Variants in NRXN3 observed in about 807,000 individuals in gnomAD.
NRXN3 encodes the protein neurexin III.
A neutral mutation model predicts 137.6 loss-of-function variants in NRXN3; 32 were observed. That is an observed-to-expected ratio of 0.23 (90% CI 0.18 to 0.31). NRXN3 has a LOEUF of 0.31. Ranked by LOEUF, NRXN3 falls within the 10% of genes least tolerant of loss-of-function variation. The pLI is 1.00. For synonymous variants in NRXN3, 798 were observed against 784.5 expected (o/e 1.02, Z -0.29); for missense variants, 1,574 against 2,062.5 (o/e 0.76, Z 4.59).
chr14:79,698,153 G>C (rs1256668646), intron 19 of NRXN3, among the ~76,000 whole-genome samples: 1 of 151,966 alleles, frequency 6.6e-6, no homozygotes, highest in Admixed American at 6.6e-5. Flanking sequence ...TATTCTTATT[G>C]TATTTATCAC....
At chr14:78,422,233 G>A (rs983952977) in intron 4 of NRXN3, among the ~76,000 whole-genome samples, 1 of 152,096 alleles carries the variant, frequency 6.6e-6, no homozygotes, top group Admixed American at 6.6e-5. Flanking sequence ...ACCTTCCCTG[G>A]CCCCCACATA....
At chr14:78,959,447 G>A (rs1252252546) in intron 11 of NRXN3, among the ~76,000 whole-genome samples, 1 of 152,022 alleles carries the variant, frequency 6.6e-6, no homozygotes, top group Non-Finnish European at 1.5e-5. Flanking sequence ...CTTACAATAT[G>A]GGAAAAATAT....
intron 10 of NRXN3, among the ~76,000 whole-genome samples, chr14:78,929,253 A>G (rs1008218981): frequency 2.0e-5 from 3 of 152,086 alleles, no homozygotes; most frequent in African/African-American, 7.2e-5. Flanking sequence ...TGTTTTTTAT[A>G]TAGATAAACT....
intron 15 of NRXN3, among the ~76,000 whole-genome samples, chr14:79,317,471 A>G (rs997869701): frequency 6.6e-6 from 1 of 152,108 alleles, no homozygotes; most frequent in Non-Finnish European, 1.5e-5. Context: ...TTATCCTACT[A>G]TCCTACTATG....
chr14:78,586,031 T>A (rs1161555544), intron 4 of NRXN3, among the ~76,000 whole-genome samples: 1 of 152,214 alleles, frequency 6.6e-6, no homozygotes, highest in African/African-American at 2.4e-5. Flanking sequence ...GGGAGCCCTA[T>A]TACTTGGAGC....
intron 6 of NRXN3, among the ~76,000 whole-genome samples, chr14:78,665,868 C>A (rs2097881328): frequency 1.3e-5 from 2 of 152,084 alleles, no homozygotes; most frequent in African/African-American, 4.8e-5. Flanking sequence ...CCAGGCTAGG[C>A]AATGTCAATT....
chr14:79,174,199 T>G (rs2062069286), intron 15 of NRXN3, among the ~76,000 whole-genome samples: 1 of 152,140 alleles, frequency 6.6e-6, no homozygotes, highest in Non-Finnish European at 1.5e-5. Flanking sequence ...CTACCTAAAA[T>G]TTTTGCAAAT....
chr14:79,691,040 A>T (rs58952819), intron 17 of NRXN3, among the ~76,000 whole-genome samples: 3,484 of 152,170 alleles, frequency 0.023, 144 homozygotes, highest in African/African-American at 0.08. Flanking sequence ...TTTCTGCCAG[A>T]TCAATGTGAG....
intron 16 of NRXN3, among the ~76,000 whole-genome samples, chr14:79,539,393 G>A (rs1031058108): frequency 1.2e-4 from 19 of 152,100 alleles, no homozygotes; most frequent in Non-Finnish European, 4.4e-5. Context: ...CTGCCTCTCT[G>A]TTGACTCTCA....
chr14:79,074,279 G>A (rs1206989051), intron 15 of NRXN3, among the ~76,000 whole-genome samples: 2 of 152,080 alleles, frequency 1.3e-5, no homozygotes, highest in African/African-American at 2.4e-5. Context: ...ATTTCAAAGG[G>A]TAATTTTAAT....
intron 20 of NRXN3, among the ~76,000 whole-genome samples, chr14:79,838,636 C>A (rs2099349312): frequency 6.6e-6 from 1 of 152,052 alleles, no homozygotes; most frequent in African/African-American, 2.4e-5. Context: ...TATTAAGTGA[C>A]CAGATGGCCT....
chr14:79,002,757 C>T (rs747149495), intron 15 of NRXN3, among the ~76,000 whole-genome samples: 4 of 151,968 alleles, frequency 2.6e-5, no homozygotes, highest in Admixed American at 6.6e-5. Context: ...CTGGGTCAAA[C>T]GGTATTTCTG....
chr14:78,820,462 G>A (rs923012733), intron 10 of NRXN3, among the ~76,000 whole-genome samples: 1 of 146,848 alleles, frequency 6.8e-6, no homozygotes, highest in African/African-American at 2.5e-5. Flanking sequence ...TAATTTTCTG[G>A]CTGTTCTGTT....
chr14:78,597,608 G>A (rs2097168362), intron 4 of NRXN3, among the ~76,000 whole-genome samples: 1 of 152,084 alleles, frequency 6.6e-6, no homozygotes, highest in African/African-American at 2.4e-5. Flanking sequence ...AATTCTCAGG[G>A]CCTTAGATCC....
At chr14:78,203,396 G>A (rs2061857931) in intron 1 of NRXN3, among the ~76,000 whole-genome samples, 1 of 152,140 alleles carries the variant, frequency 6.6e-6, no homozygotes, top group Admixed American at 6.5e-5. Context: ...GAGTAGCCTG[G>A]GATATGGCAC....
chr14:79,157,883 G>A, intron 15 of NRXN3, among the ~76,000 whole-genome samples: 1 of 151,736 alleles, frequency 6.6e-6, no homozygotes, highest in East Asian at 1.9e-4. Flanking sequence ...TATTTGTGAT[G>A]GGGACTAGTA....
intron 20 of NRXN3, among the ~76,000 whole-genome samples, chr14:79,842,606 CT>C (rs1446083628): frequency 6.6e-6 from 1 of 152,040 alleles, no homozygotes. Context: ...TTATTGGATA[CT>C]TTAAGAAATA....
rs1182222030 is a variant in NRXN3, at chr14:79,710,841, A to ACTT, written c.4014+12905_4014+12907dup. On this transcript the variant is annotated intron_variant, in intron 19 of 20. Transcript: ENST00000335750. ...ACATTGGGTGTCTCATAAGTGCAAG[A>ACTT]CTTTGGAGAAATAAAGAATGAAATA... is the stretch of plus-strand genomic sequence containing the variant. Among the ~76,000 whole-genome samples the ACTT allele has an allele frequency of 2.6e-5, 4 of 152,184 alleles. No individual in the cohort carries two copies. The East Asian group carries it at 5.8e-4, about 22-fold the overall frequency.
chr14:78,252,994 G>A (rs759819743), intron 2 of NRXN3, among the ~76,000 whole-genome samples: 2 of 152,154 alleles, frequency 1.3e-5, no homozygotes, highest in African/African-American at 2.4e-5. Flanking sequence ...TTTCTTTCCA[G>A]ACGGGGCCCT....
Sources: allele counts gnomAD v4.1 joint callset (sites outside exome capture counted in the v4.1 genomes callset), GRCh38; gene constraint gnomAD v4.1.1; transcripts MANE v1.5; gene names NCBI Gene and HGNC (gene_info 2026-07-23, HGNC 2026-07-21).